CFAP44: variants seen among roughly 807,000 people sequenced by gnomAD.
CFAP44 encodes cilia- and flagella-associated protein 44.
In CFAP44, 134 loss-of-function variants were observed where a neutral mutation model predicts 216.2. The ratio of observed to expected loss-of-function variants is 0.62; its 90% CI spans 0.54 to 0.72. The LOEUF (loss-of-function observed/expected upper bound fraction) is 0.72. CFAP44 is among the 30% of genes least tolerant of loss of function. The pLI, the probability that CFAP44 is intolerant of heterozygous loss-of-function variation, is 0.00. For missense variants in CFAP44, 2,035 were observed against 2,182.1 expected, an observed-to-expected ratio of 0.93 and a Z score of 1.34; for synonymous variants, 700 against 727.6, an observed-to-expected ratio of 0.96 and a Z score of 0.61.
intron 22 of CFAP44, among the ~76,000 whole-genome samples, chr3:113,345,667 A>C (rs1950374418): frequency 1.3e-5 from 2 of 152,282 alleles, no homozygotes; most frequent in South Asian, 4.2e-4. Flanking sequence ...TATTTTTAAA[A>C]GCTCTTCATC....
chr3:113,377,609 T>C (rs1933384612), intron 17 of CFAP44, among the ~76,000 whole-genome samples: 2 of 152,078 alleles, frequency 1.3e-5, no homozygotes, highest in South Asian at 4.2e-4. Context: ...ATTCAGCAAA[T>C]GAAAATAAAG....
chr3:113,393,702 G>A (rs1032148630), intron 15 of CFAP44, among the ~76,000 whole-genome samples: 3 of 152,278 alleles, frequency 2.0e-5, no homozygotes, highest in Admixed American at 2.0e-4. Flanking sequence ...TTTTTGTAGA[G>A]ACAGGGTTTC....
intron 22 of CFAP44, among the ~76,000 whole-genome samples, chr3:113,348,599 C>G (rs1950411875): frequency 6.6e-6 from 1 of 152,146 alleles, no homozygotes; most frequent in Non-Finnish European, 1.5e-5. Flanking sequence ...CTATAGCCCC[C>G]CTTCCTATTA....
chr3:113,371,183 C>T (rs1933149165), intron 18 of CFAP44, among the ~76,000 whole-genome samples: 1 of 152,098 alleles, frequency 6.6e-6, no homozygotes, highest in African/African-American at 2.4e-5. Flanking sequence ...TCAATGCCAT[C>T]CCCATCAAGC....
chr3:113,315,333 A>T (rs1287063164), intron 28 of CFAP44, among the ~76,000 whole-genome samples: 1 of 152,132 alleles, frequency 6.6e-6, no homozygotes. Flanking sequence ...CCAGAAACAG[A>T]AAGAAACCTT....
chr3:113,429,532 G>C (rs1935048622), intron 2 of CFAP44, among the ~76,000 whole-genome samples: 1 of 151,942 alleles, frequency 6.6e-6, no homozygotes, highest in African/African-American at 2.4e-5. Context: ...TGTTTTCTAT[G>C]AGCATCATAT....
At chr3:113,395,269 AT>A (rs1387753207) in intron 15 of CFAP44, among the ~76,000 whole-genome samples, 2 of 152,348 alleles carry the variant, frequency 1.3e-5, no homozygotes, top group East Asian at 3.9e-4. Context: ...TCAATACCGA[AT>A]TACCAATTGC....
intron 28 of CFAP44, among the ~76,000 whole-genome samples, chr3:113,319,943 C>T (rs1950126570): frequency 6.6e-6 from 1 of 152,056 alleles, no homozygotes; most frequent in African/African-American, 2.4e-5. Flanking sequence ...ATGAACACTT[C>T]TGAGACTATT....
At chr3:113,436,551 C>T (rs1386008661) in intron 1 of CFAP44, among the ~76,000 whole-genome samples, 1 of 152,194 alleles carries the variant, frequency 6.6e-6, no homozygotes, top group Non-Finnish European at 1.5e-5. Flanking sequence ...TGATTCAGAT[C>T]CATCAGAGTT....
At chr3:113,428,579 T>C (rs115352248) in intron 2 of CFAP44, among the ~76,000 whole-genome samples, 29 of 152,352 alleles carry the variant, frequency 1.9e-4, no homozygotes, top group Non-Finnish European at 3.2e-4. Context: ...AATCAGTATT[T>C]GCCTTTCTAT....
At chr3:113,423,105 C>CTTTTTTTT (rs72395986) in intron 4 of CFAP44, among the ~76,000 whole-genome samples, 46 of 79,146 alleles carry the variant, frequency 5.8e-4, no homozygotes, top group East Asian at 8.3e-4. Flanking sequence ...CTGATCCTTC[C>CTTTTTTTT]TTTTTTTTTT....
chr3:113,351,730 C>A (rs1459817779), intron 22 of CFAP44, among the ~76,000 whole-genome samples: 1 of 142,482 alleles, frequency 7.0e-6, no homozygotes, highest in African/African-American at 2.6e-5. Flanking sequence ...TGGAGTTGGG[C>A]GACATGGCTT....
intron 15 of CFAP44, among the ~76,000 whole-genome samples, chr3:113,382,906 A>G (rs1266255825): frequency 6.6e-6 from 1 of 152,200 alleles, no homozygotes; most frequent in African/African-American, 2.4e-5. Context: ...AAAGTTCTAA[A>G]ATGGTCACCA....
At chr3:113,381,258 CATTATT>C (rs113163403) in intron 15 of CFAP44, among the ~76,000 whole-genome samples, 198 bp from the exon 16 acceptor site, 1 of 151,880 alleles carries the variant, frequency 6.6e-6, no homozygotes, top group South Asian at 2.1e-4. Context: ...ATTGTTATAT[CATTATT>C]AAGTGATTAA....
intron 28 of CFAP44, among the ~76,000 whole-genome samples, chr3:113,320,617 T>C (rs1329381878): frequency 6.7e-6 from 1 of 148,432 alleles, no homozygotes; most frequent in Non-Finnish European, 1.5e-5. Flanking sequence ...TATTAAGGAG[T>C]TTATTAAGTG....
chr3:113,412,238 T>C (rs961093946), intron 6 of CFAP44, among the ~76,000 whole-genome samples: 1 of 152,150 alleles, frequency 6.6e-6, no homozygotes. Context: ...TGTTTGCAGA[T>C]GACATGGTTG....
chr3:113,411,524 T>C (rs1934472281), intron 6 of CFAP44, among the ~76,000 whole-genome samples: 1 of 152,218 alleles, frequency 6.6e-6, no homozygotes, highest in Non-Finnish European at 1.5e-5. Flanking sequence ...TTAGTACCAG[T>C]ACCATGCTGT....
At chr3:113,412,742 A>C (rs1357712414) in intron 6 of CFAP44, among the ~76,000 whole-genome samples, 1 of 152,184 alleles carries the variant, frequency 6.6e-6, no homozygotes, top group Non-Finnish European at 1.5e-5. Context: ...CATGATGTAT[A>C]TGTACCACAT....
chr3:113,363,264 T>C lies in CFAP44; in HGVS notation c.2815A>G (p.Lys939Glu), dbSNP rs1295441490. Residue 939 changes from lysine to glutamate, a missense_variant, in exon 21 of 35, where the codon AAA (lysine) becomes GAA (glutamate). Physicochemically the swap from Lys to Glu is moderately conservative, Grantham distance 56. Transcript: ENST00000393845. ...RRKREHDKLMKEVGEIKARKR... is the reference protein window; with the variant it reads ...RRKREHDKLMEEVGEIKARKR... The stretch of plus-strand genomic sequence containing the variant: ...CGTGCCTTTATTTCTCCCACTTCTT[T>C]CATTAACTTGTCATGTTCTCTTTTT... 3.7e-6 allele frequency: 6 copies of C among 1,612,618 alleles called. No homozygotes were observed. Among genetic ancestry groups the C allele is most frequent in the Non-Finnish European group, 4.2e-6 (5 of 1,179,646 alleles).
Sources: allele counts gnomAD v4.1 joint callset (sites outside exome capture counted in the v4.1 genomes callset), GRCh38; gene constraint gnomAD v4.1.1; transcripts MANE v1.5; gene names NCBI Gene and HGNC (gene_info 2026-07-23, HGNC 2026-07-21).